HDAC9: variants seen among roughly 807,000 people sequenced by gnomAD.
HDAC9 encodes the protein histone deacetylase 9.
HDAC9 carries 41 observed loss-of-function variants against 139.4 expected under a neutral mutation model. That is an observed-to-expected ratio of 0.29 (90% CI 0.23 to 0.38). The LOEUF (loss-of-function observed/expected upper bound fraction) is 0.38. HDAC9 is among the 10% of genes least tolerant of loss of function. HDAC9 has a pLI of 1.00. For synonymous variants in HDAC9, 517 were observed against 476.2 expected (o/e 1.09, Z -1.12); for missense variants, 1,147 against 1,297.0 (o/e 0.88, Z 1.78).
rs974509541 is a variant in HDAC9 at position 18,875,246 on chromosome 7, T to G, written c.2803+650T>G. Among the ~76,000 whole-genome samples, 4 of 152,260 alleles carry G rather than the reference T, an allele frequency of 2.6e-5. No homozygotes were observed. The East Asian group carries it at 7.7e-4, about 29-fold the overall frequency. On this transcript the variant is annotated intron_variant, in intron 22 of 25. Coordinates refer to ENST00000686413, the MANE Select transcript of HDAC9 (RefSeq NM_178425.4). ...AGGATTTCTTTAAAAATAATTCCCT[T>G]GCTCTCTGAGTGGGAAAAAAGGTAT...
chr7:18,869,882 T>C (rs1038698749), intron 21 of HDAC9, among the ~76,000 whole-genome samples: 26 of 114,050 alleles, frequency 2.3e-4, no homozygotes, highest in African/African-American at 1.0e-3. Flanking sequence ...TTTTGGGTTT[T>C]TTTTGTTTTT....
chr7:18,368,400 A>C (rs1438189136), intron 1 of HDAC9, among the ~76,000 whole-genome samples: 1 of 152,028 alleles, frequency 6.6e-6, no homozygotes, highest in Non-Finnish European at 1.5e-5. Context: ...GGTGATCGGC[A>C]GTGCCACTAT....
chr7:18,893,231 G>C (rs1310383837), intron 22 of HDAC9, among the ~76,000 whole-genome samples: 1 of 152,006 alleles, frequency 6.6e-6, no homozygotes, highest in African/African-American at 2.4e-5. Flanking sequence ...AGGGAGATCT[G>C]CAAAACCAAG....
chr7:18,762,920 G>A (rs1485859113), intron 15 of HDAC9, among the ~76,000 whole-genome samples: 1 of 152,062 alleles, frequency 6.6e-6, no homozygotes, highest in East Asian at 1.9e-4. Flanking sequence ...AGCTTTATAT[G>A]AGTGATAGAA....
chr7:18,123,352 C>T (rs1773500928), intron 1 of HDAC9, among the ~76,000 whole-genome samples: 1 of 152,102 alleles, frequency 6.6e-6, no homozygotes, highest in African/African-American at 2.4e-5. Context: ...ATGTAACCCC[C>T]CGATTTAAAA....
intron 2 of HDAC9, among the ~76,000 whole-genome samples, chr7:18,532,345 T>C (rs1026345975): frequency 3.3e-5 from 5 of 152,186 alleles, no homozygotes; most frequent in Non-Finnish European, 7.4e-5. Flanking sequence ...AGGAACACTG[T>C]TGCCTACAGT....
intron 1 of HDAC9, among the ~76,000 whole-genome samples, chr7:18,141,163 A>C (rs927193746): frequency 2.6e-5 from 4 of 152,194 alleles, no homozygotes; most frequent in Non-Finnish European, 5.9e-5. Flanking sequence ...AGTCCTTTCA[A>C]AAGTAAACTG....
intron 24 of HDAC9, among the ~76,000 whole-genome samples, chr7:18,962,140 T>G (rs1783565500): frequency 6.6e-6 from 1 of 152,144 alleles, no homozygotes; most frequent in African/African-American, 2.4e-5. Context: ...AATGCAAGGA[T>G]TGGCAGAATT....
At chr7:18,506,334 A>C (rs1799761235) in intron 2 of HDAC9, among the ~76,000 whole-genome samples, 1 of 152,168 alleles carries the variant, frequency 6.6e-6, no homozygotes, top group South Asian at 2.1e-4. Context: ...GTTGATGATG[A>C]CAACAAGAGA....
At chr7:18,479,850 A>T (rs574548671) in intron 1 of HDAC9, among the ~76,000 whole-genome samples, 1 of 152,130 alleles carries the variant, frequency 6.6e-6, no homozygotes, top group African/African-American at 2.4e-5. Flanking sequence ...ATTATATTAC[A>T]TAATATTGAA....
chr7:18,892,926 G>C (rs1399157379), intron 22 of HDAC9, among the ~76,000 whole-genome samples: 2 of 143,368 alleles, frequency 1.4e-5, no homozygotes, highest in Non-Finnish European at 3.0e-5. Flanking sequence ...GTTTATGTCA[G>C]ATCATTTTTT....
At chr7:18,200,726 C>A (rs949673352) in intron 2 of HDAC9, among the ~76,000 whole-genome samples, 18 of 152,146 alleles carry the variant, frequency 1.2e-4, no homozygotes, top group Admixed American at 1.3e-4. Flanking sequence ...GCTACTTTTC[C>A]TTTAGCCCAG....
At chr7:18,477,155 C>T (rs1291628148) in intron 1 of HDAC9, among the ~76,000 whole-genome samples, 1 of 152,014 alleles carries the variant, frequency 6.6e-6, no homozygotes, top group Non-Finnish European at 1.5e-5. Context: ...TAACACATAC[C>T]CCTTCTGATG....
Position 18,996,065 on chromosome 7 carries a change from T to C in HDAC9, c.*3T>C. 1.2e-6 allele frequency: 2 copies of C among 1,602,832 alleles called. No individual in the cohort carries two copies. Among genetic ancestry groups the C allele is most frequent in the Non-Finnish European group, 8.5e-7 (1 of 1,173,906 alleles). On this transcript the variant is annotated 3_prime_UTR_variant, in exon 26 of 26. Transcript: ENST00000686413. ...TGGAAGAGGAGCCAGCCTTGTGAAGTGCCAAGTCCCCCTCTGATATTTCCT... is the reference window on the plus strand; with the variant it reads ...TGGAAGAGGAGCCAGCCTTGTGAAGCGCCAAGTCCCCCTCTGATATTTCCT...
intron 1 of HDAC9, among the ~76,000 whole-genome samples, chr7:18,137,890 C>T (rs1785552277): frequency 2.0e-5 from 3 of 151,976 alleles, no homozygotes; most frequent in African/African-American, 7.2e-5. Context: ...GTACCAGTTC[C>T]TCCTTGTACC....
chr7:18,533,513 G>A (rs1304837557), intron 2 of HDAC9, among the ~76,000 whole-genome samples: 2 of 151,964 alleles, frequency 1.3e-5, no homozygotes, highest in Non-Finnish European at 2.9e-5. Context: ...GAACCCTTGT[G>A]GAAAATTATT....
Position 18,668,531 on chromosome 7 carries a change from CA to C in HDAC9, c.1731+2063del, listed in dbSNP as rs201375370. 552 of 977,758 alleles carry C rather than the reference CA, an allele frequency of 5.6e-4. 1 individual carries two copies. The highest frequency in any genetic ancestry group is 1.9e-3 in the African/African-American group (108 of 56,998). The allele number at this position is 977,758 out of a possible 1,614,324, so 60.6% of individuals were successfully genotyped here. The stretch of plus-strand genomic sequence containing the variant: ...TACTTCAAAGATATGTAATCACAAA[CA>C]AAAAAAACTATTTTTTATAATGTCA... On this transcript the variant is annotated intron_variant, in intron 12 of 25. Coordinates refer to ENST00000686413, the MANE Select transcript of HDAC9 (RefSeq NM_178425.4).
chr7:18,693,368 A>T (rs1201637707), intron 12 of HDAC9, among the ~76,000 whole-genome samples: 1 of 152,218 alleles, frequency 6.6e-6, no homozygotes, highest in Non-Finnish European at 1.5e-5. Flanking sequence ...ATGTCCTTGA[A>T]TGGGAGAATA....
intron 1 of HDAC9, among the ~76,000 whole-genome samples, chr7:18,413,199 G>T (rs181951582): frequency 2.6e-5 from 4 of 152,156 alleles, no homozygotes; most frequent in Admixed American, 6.5e-5. Context: ...GTTATGAATT[G>T]GTATTTGCTG....
Sources: gnomAD v4.1 joint callset for allele counts (sites outside exome capture counted in the v4.1 genomes callset) on GRCh38, gnomAD v4.1.1 for gene constraint, MANE v1.5 for transcripts, NCBI Gene and HGNC (gene_info 2026-07-23, HGNC 2026-07-21) for gene names.